The following TRMT10A variants were observed in gnomAD, a reference collection of about 807,000 sequenced individuals.
The protein encoded by TRMT10A is tRNA methyltransferase 10 homolog A.
Under a neutral mutation model 40.4 loss-of-function variants are expected in TRMT10A, and 37 were observed. The observed-to-expected ratio is 0.92, with a 90% CI of 0.71 to 1.21. The LOEUF is 1.21. Ranked by LOEUF, TRMT10A falls within the 50% of genes most tolerant of loss-of-function variation. TRMT10A has a pLI of 0.00. For synonymous variants in TRMT10A, 103 were observed against 134.1 expected (o/e 0.77, Z 1.60); for missense variants, 388 against 404.3 (o/e 0.96, Z 0.35).
Position 99,549,351 on chromosome 4 carries a change from C to G in TRMT10A, c.757G>C (p.Glu253Gln), listed in dbSNP as rs760314244. The G allele has an allele frequency of 1.9e-6, 3 of 1,613,886 alleles. No individual in the cohort carries two copies. The highest frequency in any genetic ancestry group is 2.5e-6 in the Non-Finnish European group (3 of 1,179,876). ...GTTTCCAGGTATTCCAGAATAATTT[C>G]AAACACTGCAATAAAGACATATTCC... is the stretch of plus-strand genomic sequence containing the variant. ...RKVLAVNHVF[E>Q]IILEYLETRD... Residue 253 changes from glutamate (E) to glutamine (Q), a missense_variant, in exon 8 of 8, where the codon GAA becomes CAA. By Grantham distance (29) the Glu-to-Gln change is conservative (BLOSUM62 2). Transcript: ENST00000394876.
At chr4:99,554,038 T>C in intron 5 of TRMT10A, 104 bp from the exon 6 acceptor site, 7 of 1,171,624 alleles carry the variant, frequency 6.0e-6, no homozygotes, top group Non-Finnish European at 8.5e-6. Context: ...CAAAAATATA[T>C]GAAACAAAGT....
intron 4 of TRMT10A, 105 bp from the exon 5 acceptor site, chr4:99,556,325 A>G: frequency 9.6e-7 from 1 of 1,044,604 alleles, no homozygotes; most frequent in Non-Finnish European, 1.4e-6. Flanking sequence ...AACACAAAAT[A>G]TATTTATTCT....
In TRMT10A at chr4:99,550,916, C is replaced by T. The variant is rs765351342; in HGVS notation, c.720G>A (p.Met240Ile). 4 of 1,613,206 alleles carry T rather than the reference C, an allele frequency of 2.5e-6. No homozygotes were observed. Among genetic ancestry groups the T allele is most frequent in the Admixed American group, 3.3e-5 (2 of 59,940 alleles). The change falls in exon 7 of 8, where the codon ATG becomes ATA. Residue 240 changes from methionine (M) to isoleucine (I), a missense_variant. Transcript: ENST00000394876. ...AQLPLGNFVKMNSRKVLAVNH... is the reference protein window; with the variant it reads ...AQLPLGNFVKINSRKVLAVNH... Reference sequence around the variant, plus strand: ...TAACTGCCAAAACTTTTCGACTATTCATCTTCACAAAATTTCCAAGTGGGA... The same window carrying T: ...TAACTGCCAAAACTTTTCGACTATTTATCTTCACAAAATTTCCAAGTGGGA...
intron 3 of TRMT10A, 152 bp downstream of exon 3, chr4:99,557,897 A>T (rs1016532537): frequency 3.0e-6 from 2 of 661,040 alleles, no homozygotes; most frequent in Middle Eastern, 3.6e-4. Context: ...ATATCAATGC[A>T]ATTTGCTAGC....
intron 1 of TRMT10A, among the ~76,000 whole-genome samples, chr4:99,561,644 A>G (rs555106578): frequency 1.3e-5 from 2 of 152,306 alleles, no homozygotes; most frequent in South Asian, 2.1e-4. Context: ...ACACTATACA[A>G]TAAGTATAAT....
intron 2 of TRMT10A, among the ~76,000 whole-genome samples, chr4:99,558,544 T>C (rs1450627706): frequency 6.6e-6 from 1 of 152,104 alleles, no homozygotes; most frequent in African/African-American, 2.4e-5. Context: ...TTTTCATAAT[T>C]TACCTATATG....
In TRMT10A at chr4:99,557,432, A is replaced by AT. The variant is rs754515918; in HGVS notation, c.349-17dup. 1.3e-4 allele frequency: 212 copies of AT among 1,610,378 alleles called. No individual in the cohort carries two copies. In the African/African-American group the frequency reaches 2.4e-3, roughly 18 times the overall value. Reference sequence around the variant, plus strand: ...TCTTAATGTCCTATCACAGAGTTCAATTTTTAAAGCAAAGTTATTAAAATT... The same window carrying AT: ...TCTTAATGTCCTATCACAGAGTTCAATTTTTTAAAGCAAAGTTATTAAAATT... On this transcript the variant is annotated splice_polypyrimidine_tract_variant and intron_variant, in intron 3 of 7. Transcript: ENST00000394876.
At chr4:99,560,950 GAT>G (rs1032059136) in intron 1 of TRMT10A, among the ~76,000 whole-genome samples, 1 of 130,820 alleles carries the variant, frequency 7.6e-6, no homozygotes, top group African/African-American at 3.4e-5. Flanking sequence ...TCTATGTGAA[GAT>G]TTTTTTTTTT....
chr4:99,558,028 T>C (rs752979106), intron 3 of TRMT10A, 21 bp downstream of exon 3: 3 of 1,526,390 alleles, frequency 2.0e-6, no homozygotes, highest in Admixed American at 4.7e-5. Context: ...ACAAGATTTT[T>C]CTGACAATGA....
At chr4:99,559,064 A>AAT in intron 2 of TRMT10A, 90 bp downstream of exon 2, 2 of 1,263,442 alleles carry the variant, frequency 1.6e-6, no homozygotes. Flanking sequence ...TAAGTAACAC[A>AAT]ATTACATTTA....
rs1299011433 is a variant in TRMT10A, at chr4:99,551,112, CTGAA to C, written c.646-126_646-123del. On this transcript the variant is annotated intron_variant, in intron 6 of 7. Coordinates refer to ENST00000394876, the MANE Select transcript of TRMT10A (RefSeq NM_001134665.3). ...GAATTTATAGTTCAGAGAATATTAT[CTGAA>C]TGGGGGGTATGTGTGTGTTTTACTG... 3.8e-5 allele frequency: 25 copies of C among 666,568 alleles called. No individual in the cohort carries two copies. In the African/African-American group the frequency reaches 4.5e-4, roughly 12 times the overall value. The allele number at this position is 666,568 out of a possible 1,614,324, so 41.3% of individuals were successfully genotyped here. A position where few individuals can be genotyped will look rare whatever the true frequency, so the allele number is the denominator to read the frequency against.
At chr4:99,551,578 C>A (rs1723966259) in intron 6 of TRMT10A, among the ~76,000 whole-genome samples, 1 of 152,012 alleles carries the variant, frequency 6.6e-6, no homozygotes, top group Admixed American at 6.6e-5. Context: ...CAATTATGTA[C>A]AGTACATAAC....
At chr4:99,552,377 T>C (rs907162447) in intron 6 of TRMT10A, among the ~76,000 whole-genome samples, 1 of 152,184 alleles carries the variant, frequency 6.6e-6, no homozygotes, top group Admixed American at 6.5e-5. Context: ...CACAAAGATC[T>C]TTATGTTACA....
Position 99,553,781 on chromosome 4 carries a change from G to A in TRMT10A, c.645+4C>T. On this transcript the variant is annotated splice_donor_region_variant and intron_variant, in intron 6 of 7. Coordinates refer to ENST00000394876, the MANE Select transcript of TRMT10A (RefSeq NM_001134665.3). The stretch of plus-strand genomic sequence containing the variant: ...CAAAAGCAAAAATAAAAATTTAATA[G>A]TACCTTGTGATGGTTGTGATCTACT... The A allele has an allele frequency of 1.3e-6, 2 of 1,589,900 alleles. 1 individual carries two copies. Among genetic ancestry groups the A allele is most frequent in the South Asian group, 2.3e-5 (2 of 87,334 alleles).
intron 6 of TRMT10A, among the ~76,000 whole-genome samples, chr4:99,551,666 T>TA (rs879806605): frequency 1.3e-3 from 188 of 146,420 alleles, no homozygotes; most frequent in Admixed American, 1.7e-3. Flanking sequence ...CTCCTACTCC[T>TA]AAAAAAAAAA....
intron 6 of TRMT10A, among the ~76,000 whole-genome samples, chr4:99,551,426 A>G (rs6822162): frequency 0.6 from 91,009 of 152,006 alleles, 30,341 homozygotes; most frequent in African/African-American, 0.89. Context: ...AGTCCCATAA[A>G]ATTATAATGG....
Position 99,557,324 on chromosome 4 carries a change from CT to C in TRMT10A, c.420+20del, listed in dbSNP as rs750276678. On this transcript the variant is annotated intron_variant, in intron 4 of 7. Transcript: ENST00000394876. ...AGACATAAAAGAAAACTAGAGTCTG[CT>C]TTAAAATCTTTACACATACCTGCAC... The C allele has an allele frequency of 6.2e-7, 1 of 1,601,970 alleles. No homozygotes were observed. Among genetic ancestry groups the C allele is most frequent in the Admixed American group, 1.7e-5 (1 of 57,840 alleles).
chr4:99,550,739 T>G, intron 7 of TRMT10A, 146 bp downstream of exon 7: 1 of 632,850 alleles, frequency 1.6e-6, no homozygotes, highest in Non-Finnish European at 2.6e-6. Context: ...ACACATTATT[T>G]CTGTTAAACA....
rs1724151488 is a variant in TRMT10A at position 99,556,141 on chromosome 4, ATT to A, written c.495+3_495+4del. 1 of 1,613,144 alleles carries A rather than the reference ATT, an allele frequency of 6.2e-7. No individual in the cohort carries two copies. Among genetic ancestry groups the A allele is most frequent in the Non-Finnish European group, 8.5e-7 (1 of 1,179,448 alleles). The stretch of plus-strand genomic sequence containing the variant: ...ATTATGTGAGAGTTTATCTGTTTTA[ATT>A]ACCTTCCAGTTGACCCATCCTTTGT... On this transcript the variant is annotated splice_donor_region_variant and intron_variant, in intron 5 of 7. Transcript: ENST00000394876.
Sources: gnomAD v4.1 joint callset for allele counts (sites outside exome capture counted in the v4.1 genomes callset) on GRCh38, gnomAD v4.1.1 for gene constraint, MANE v1.5 for transcripts, NCBI Gene and HGNC (gene_info 2026-07-23, HGNC 2026-07-21) for gene names.